SGTB: variants seen among roughly 807,000 people sequenced by gnomAD.
SGTB encodes small glutamine-rich tetratricopeptide repeat-containing protein beta.
In SGTB, 19 loss-of-function variants were observed where a neutral mutation model predicts 43.9. The observed-to-expected ratio is 0.43, with a 90% CI of 0.30 to 0.63. The LOEUF is 0.63. Ranked by LOEUF, SGTB falls within the 30% of genes least tolerant of loss-of-function variation. The pLI, the probability that SGTB is intolerant of heterozygous loss-of-function variation, is 0.12. For missense variants in SGTB, 304 were observed against 358.9 expected (o/e 0.85, Z 1.24); for synonymous variants, 116 against 117.3 (o/e 0.99, Z 0.07).
intron 5 of SGTB, among the ~76,000 whole-genome samples, chr5:65,693,244 G>T (rs1757647900): frequency 2.0e-5 from 3 of 150,544 alleles, no homozygotes; most frequent in Admixed American, 2.0e-4. Flanking sequence ...GAGAAAGAGA[G>T]AGAGGAAGGA....
chr5:65,688,291 G>C (rs1243050935), intron 5 of SGTB, among the ~76,000 whole-genome samples: 2 of 152,142 alleles, frequency 1.3e-5, no homozygotes, highest in African/African-American at 4.8e-5. Flanking sequence ...CATTAGGCAA[G>C]GCAATACTAT....
At chr5:65,672,370 A>C in intron 8 of SGTB, 89 bp from the exon 9 acceptor site, 1 of 1,481,806 alleles carries the variant, frequency 6.7e-7, no homozygotes, top group Non-Finnish European at 9.4e-7. Flanking sequence ...ATGAAAGCTA[A>C]ATCATGTATG....
At chr5:65,672,512 G>A (rs1287879933) in intron 8 of SGTB, among the ~76,000 whole-genome samples, 1 of 152,184 alleles carries the variant, frequency 6.6e-6, no homozygotes, top group African/African-American at 2.4e-5. Flanking sequence ...ACTATAAACT[G>A]AGGATGTTGA....
intron 2 of SGTB, among the ~76,000 whole-genome samples, chr5:65,719,057 T>C (rs1686237858): frequency 6.6e-6 from 1 of 152,232 alleles, no homozygotes; most frequent in Admixed American, 6.5e-5. Flanking sequence ...TAATATTAAA[T>C]GGACTGATTG....
intron 5 of SGTB, among the ~76,000 whole-genome samples, chr5:65,699,177 G>C (rs1235664068): frequency 6.6e-6 from 1 of 152,158 alleles, no homozygotes; most frequent in East Asian, 1.9e-4. Flanking sequence ...TGGTATATAT[G>C]TATATACTAT....
chr5:65,707,765 T>C (rs1213018174), intron 4 of SGTB, among the ~76,000 whole-genome samples: 59 of 152,120 alleles, frequency 3.9e-4, no homozygotes, highest in Non-Finnish European at 5.9e-5. Flanking sequence ...AACTGCCTTC[T>C]TCAAGGTATG....
chr5:65,700,596 G>A (rs2150716427), intron 5 of SGTB, among the ~76,000 whole-genome samples: 1 of 150,652 alleles, frequency 6.6e-6, no homozygotes, highest in Non-Finnish European at 1.5e-5. Context: ...CAGGAGAATG[G>A]CGTGAACCCG....
At chr5:65,717,685 A>T (rs574813434) in intron 2 of SGTB, among the ~76,000 whole-genome samples, 7 of 152,216 alleles carry the variant, frequency 4.6e-5, no homozygotes, top group African/African-American at 1.7e-4. Flanking sequence ...AGATATGAGA[A>T]AGTGTTAAAA....
intron 1 of SGTB, among the ~76,000 whole-genome samples, chr5:65,721,612 G>T (rs1758281732): frequency 6.6e-6 from 1 of 152,172 alleles, no homozygotes; most frequent in African/African-American, 2.4e-5. Flanking sequence ...GGTACCCGCC[G>T]CTATAATGTT....
upstream of SGTB, chr5:65,722,280 C>G: frequency 1.0e-6 from 1 of 995,544 alleles, no homozygotes; most frequent in South Asian, 1.7e-5. Flanking sequence ...GCTAGGCCGG[C>G]TCGAGACTCC....
At chr5:65,691,421 ATTATT>A (rs923881764) in intron 5 of SGTB, among the ~76,000 whole-genome samples, 1 of 151,622 alleles carries the variant, frequency 6.6e-6, no homozygotes, top group African/African-American at 2.4e-5. Flanking sequence ...TGGTTTTTTT[ATTATT>A]TTATTATTTT....
chr5:65,708,963 C>A (rs1052567039), intron 3 of SGTB, among the ~76,000 whole-genome samples: 1 of 151,886 alleles, frequency 6.6e-6, no homozygotes, highest in African/African-American at 2.4e-5. Context: ...ATGGCTTGAG[C>A]CCAGGAGGCA....
At chr5:65,692,631 C>T (rs961922671) in intron 5 of SGTB, among the ~76,000 whole-genome samples, 1 of 152,028 alleles carries the variant, frequency 6.6e-6, no homozygotes, top group South Asian at 2.1e-4. Flanking sequence ...GTCAGGGATA[C>T]TTTTTAGATT....
rs1449261366 is a variant in SGTB at position 65,667,369 on chromosome 5, C to CTT, written c.*2875_*2876dup. 1 of 152,166 alleles carries CTT rather than the reference C, an allele frequency of 6.6e-6. No individual in the cohort carries two copies. Among genetic ancestry groups the CTT allele is most frequent in the Non-Finnish European group, 1.5e-5 (1 of 68,026 alleles). The allele number at this position is 152,166 out of a possible 1,614,324, so 9.4% of individuals were successfully genotyped here. On this transcript the variant is annotated 3_prime_UTR_variant, in exon 11 of 11. Transcript: ENST00000381007. The stretch of plus-strand genomic sequence containing the variant: ...GCACTCAAGATAGTTATGCTAGAAA[C>CTT]TTTAACTTCTTATTCAACACTGAAT...
Position 65,670,366 on chromosome 5 carries a change from A to G in SGTB, c.804-9T>C. ...GAGCAAACTGCTGTCCCCTGTAGTA[A>G]AGAGGCAATGTGGTTTGAATAGGGA... On this transcript the variant is annotated splice_polypyrimidine_tract_variant and intron_variant, in intron 10 of 10. Transcript: ENST00000381007. The G allele has an allele frequency of 6.2e-7, 1 of 1,610,750 alleles. No homozygotes were observed. The highest frequency in any genetic ancestry group is 8.5e-7 in the Non-Finnish European group (1 of 1,177,226).
In SGTB at chr5:65,711,144, G is replaced by A. The variant is rs538914923; in HGVS notation, c.204+1817C>T. 1.1e-4 allele frequency among the ~76,000 whole-genome samples: 16 copies of A among 151,994 alleles called. No individual in the cohort carries two copies. The East Asian group carries it at 1.2e-3, about 11-fold the overall frequency. ...CGCACCACTGCATTCCAGCCTGGGC[G>A]ACAGGGCGAGACTCCATCTCAAAAA... On this transcript the variant is annotated intron_variant, in intron 3 of 10. Transcript: ENST00000381007.
chr5:65,680,906 A>G (rs1757384276), intron 6 of SGTB, 112 bp from the exon 7 acceptor site: 1 of 1,186,650 alleles, frequency 8.4e-7, no homozygotes, highest in African/African-American at 1.5e-5. Context: ...TCCAGATTAC[A>G]CTTAATTTAT....
chr5:65,692,500 T>C (rs1057128443), intron 5 of SGTB, among the ~76,000 whole-genome samples: 17 of 152,118 alleles, frequency 1.1e-4, no homozygotes, highest in Admixed American at 1.1e-3. Context: ...CATAACAAAA[T>C]TTAACTTAAA....
intron 5 of SGTB, among the ~76,000 whole-genome samples, chr5:65,688,870 C>T (rs555303808): frequency 1.7e-4 from 26 of 152,296 alleles, no homozygotes; most frequent in African/African-American, 6.0e-4. Context: ...AGTGCAATGG[C>T]GTGATCTTGG....
Sources: allele counts gnomAD v4.1 joint callset (sites outside exome capture counted in the v4.1 genomes callset), GRCh38; gene constraint gnomAD v4.1.1; transcripts MANE v1.5; gene names NCBI Gene and HGNC (gene_info 2026-07-23, HGNC 2026-07-21).